Variants in SGCZ observed in about 807,000 individuals in gnomAD.
The protein encoded by SGCZ is zeta-sarcoglycan.
SGCZ carries 40 observed loss-of-function variants against 41.3 expected under a neutral mutation model. The observed-to-expected ratio is 0.97, with a 90% CI of 0.75 to 1.26. The LOEUF is 1.26. Among genes scored for constraint, SGCZ ranks in the 50% most tolerant of loss-of-function variants. The probability of loss-of-function intolerance (pLI) is 0.00; values close to 1 mark genes in which losing one functional copy is unlikely to be tolerated. For missense variants in SGCZ, 552 were observed against 369.8 expected (o/e 1.49, Z -4.04); for synonymous variants, 206 against 137.5 (o/e 1.50, Z -3.49).
chr8:15,017,373 C>G (rs2130936611), intron 1 of SGCZ, among the ~76,000 whole-genome samples: 1 of 152,298 alleles, frequency 6.6e-6, no homozygotes. Context: ...ACAGTGAGGC[C>G]TGATCCACAG....
intron 1 of SGCZ, among the ~76,000 whole-genome samples, chr8:14,716,467 T>C (rs1215883410): frequency 1.3e-5 from 2 of 152,094 alleles, no homozygotes; most frequent in East Asian, 1.9e-4. Flanking sequence ...CTTACTGTTA[T>C]TTTGGGGGAC....
Position 14,179,529 on chromosome 8 carries a change from C to T in SGCZ, c.425-14827G>A, listed in dbSNP as rs75709442. On this transcript the variant is annotated intron_variant, in intron 4 of 7. Coordinates refer to ENST00000382080, the MANE Select transcript of SGCZ (RefSeq NM_139167.4). ...GACCTGTCTAGACTCTCTTTGCCCA[C>T]CTCAGTCTCCCTGTTTCACTATATT... Among the ~76,000 whole-genome samples the T allele has an allele frequency of 3.5e-3, 536 of 152,258 alleles. 5 individuals are homozygous for T. Among genetic ancestry groups the T allele is most frequent in the Middle Eastern group, 0.02 (6 of 294 alleles).
At chr8:14,193,200 T>A (rs111786961) in intron 4 of SGCZ, among the ~76,000 whole-genome samples, 1 of 151,920 alleles carries the variant, frequency 6.6e-6, no homozygotes, top group Non-Finnish European at 1.5e-5. Flanking sequence ...AACATCCATT[T>A]TACTCCTGCC....
chr8:14,918,763 G>C (rs1799509784), intron 1 of SGCZ, among the ~76,000 whole-genome samples: 1 of 152,202 alleles, frequency 6.6e-6, no homozygotes. Context: ...TTCAGTTGAA[G>C]TTATCTTCAG....
chr8:14,247,568 G>C (rs1056176258), intron 3 of SGCZ, among the ~76,000 whole-genome samples: 2 of 152,176 alleles, frequency 1.3e-5, no homozygotes, highest in Non-Finnish European at 2.9e-5. Context: ...AAGTAACAAA[G>C]ATCCAAATAA....
At position 14,627,990 on chromosome 8, in the gene SGCZ, C is replaced by G. The variant is rs114431313; in HGVS notation, c.40-73064G>C. ...TGAAGAATCTTTGATATTAGACCCACACATCACTATGTCCCAGTTTATCCC... is the reference window on the plus strand; with the variant it reads ...TGAAGAATCTTTGATATTAGACCCAGACATCACTATGTCCCAGTTTATCCC... On this transcript the variant is annotated intron_variant, in intron 1 of 7. Coordinates refer to ENST00000382080, the MANE Select transcript of SGCZ (RefSeq NM_139167.4). Among the ~76,000 whole-genome samples the G allele has an allele frequency of 8.8e-3, 1,336 of 152,172 alleles. 19 individuals carry two copies. The highest frequency in any genetic ancestry group is 0.03 in the African/African-American group (1,266 of 41,542).
chr8:14,957,254 G>A (rs1010991292), intron 1 of SGCZ, among the ~76,000 whole-genome samples: 3 of 151,998 alleles, frequency 2.0e-5, no homozygotes, highest in African/African-American at 7.2e-5. Flanking sequence ...ATTAACATAT[G>A]CATCCAAATT....
intron 4 of SGCZ, among the ~76,000 whole-genome samples, chr8:14,177,724 C>G (rs1488967673): frequency 2.1e-5 from 3 of 144,194 alleles, no homozygotes; most frequent in Non-Finnish European, 4.5e-5. Context: ...CGGGGTTTCA[C>G]CGTGTTAGCC....
chr8:14,716,263 A>C (rs1809687211), intron 1 of SGCZ, among the ~76,000 whole-genome samples: 1 of 152,096 alleles, frequency 6.6e-6, no homozygotes, highest in South Asian at 2.1e-4. Context: ...TGTAGAAAAC[A>C]ATGTTAGACT....
rs566604068 is a variant in SGCZ, at chr8:14,926,634, C to T, written c.39+310951G>A. ...TTTTTGTTTGTTTGTTTTGTTTTTC[C>T]GTGTGTGTGGTTTTTTTTTGTTTTT... On this transcript the variant is annotated intron_variant, in intron 1 of 7. Coordinates refer to ENST00000382080, the MANE Select transcript of SGCZ (RefSeq NM_139167.4). Among the ~76,000 whole-genome samples, 9 of 150,168 alleles carry T rather than the reference C, an allele frequency of 6.0e-5. No homozygotes were observed. The South Asian group carries it at 1.9e-3, about 32-fold the overall frequency.
intron 1 of SGCZ, among the ~76,000 whole-genome samples, chr8:14,640,326 C>T (rs1033470220): frequency 6.6e-6 from 1 of 151,640 alleles, no homozygotes; most frequent in Admixed American, 6.6e-5. Flanking sequence ...TCTACATTAT[C>T]AGTCAATCAC....
intron 2 of SGCZ, among the ~76,000 whole-genome samples, chr8:14,408,077 T>TC (rs1266263963): frequency 6.6e-6 from 1 of 152,158 alleles, no homozygotes; most frequent in East Asian, 1.9e-4. Flanking sequence ...GGAATTCACT[T>TC]CCTTTTCACA....
At chr8:14,376,663 C>T (rs1585423644) in intron 2 of SGCZ, among the ~76,000 whole-genome samples, 1 of 152,080 alleles carries the variant, frequency 6.6e-6, no homozygotes, top group South Asian at 2.1e-4. Context: ...AGAGAAAATT[C>T]CAACTTCTTT....
chr8:14,754,631 A>T (rs1049237412), intron 1 of SGCZ, among the ~76,000 whole-genome samples: 2 of 152,224 alleles, frequency 1.3e-5, no homozygotes, highest in African/African-American at 4.8e-5. Flanking sequence ...CTACATTTCT[A>T]TAATTGCAGA....
chr8:14,668,093 A>C (rs113916061), intron 1 of SGCZ, among the ~76,000 whole-genome samples: 2,267 of 152,110 alleles, frequency 0.015, 65 homozygotes, highest in African/African-American at 0.052. Context: ...AGTGGCTGGG[A>C]TTACAGGCAC....
In SGCZ at chr8:14,245,579, G is replaced by C. The variant is rs545240620; in HGVS notation, c.337-7900C>G. Among the ~76,000 whole-genome samples the C allele has an allele frequency of 1.6e-3, 245 of 152,160 alleles. 2 individuals carry two copies. Among genetic ancestry groups the C allele is most frequent in the Middle Eastern group, 0.01 (3 of 294 alleles). ...AACACCAAAAGCAATGGCAACAAAA[G>C]CCAAAATTGACAAATGGGATCTAAT... On this transcript the variant is annotated intron_variant, in intron 3 of 7. Transcript: ENST00000382080.
intron 2 of SGCZ, among the ~76,000 whole-genome samples, chr8:14,396,939 G>A (rs932331696): frequency 6.6e-6 from 1 of 152,086 alleles, no homozygotes; most frequent in Admixed American, 6.6e-5. Flanking sequence ...GAAATGTGCT[G>A]AATTGCTTTA....
At chr8:15,034,370 A>T (rs1257391343) in intron 1 of SGCZ, among the ~76,000 whole-genome samples, 1 of 152,148 alleles carries the variant, frequency 6.6e-6, no homozygotes. Flanking sequence ...AGCAGAAAAA[A>T]GATCCTGTGA....
intron 4 of SGCZ, among the ~76,000 whole-genome samples, chr8:14,201,422 A>G (rs1207202496): frequency 6.6e-6 from 1 of 152,166 alleles, no homozygotes; most frequent in East Asian, 1.9e-4. Flanking sequence ...TGGTACATCC[A>G]TGCAACAGAA....
Sources: gnomAD v4.1 joint callset for allele counts (sites outside exome capture counted in the v4.1 genomes callset) on GRCh38, gnomAD v4.1.1 for gene constraint, MANE v1.5 for transcripts, NCBI Gene and HGNC (gene_info 2026-07-23, HGNC 2026-07-21) for gene names.